The following FUBP3 variants were observed in gnomAD, a reference collection of about 807,000 sequenced individuals.
The protein encoded by FUBP3 is far upstream element binding protein 3, also known as far upstream element-binding protein 3.
FUBP3 carries 28 observed loss-of-function variants against 85.6 expected under a neutral mutation model. The observed-to-expected ratio is 0.33, with a 90% CI of 0.24 to 0.45. The LOEUF is 0.45. Ranked by LOEUF, FUBP3 falls within the 20% of genes least tolerant of loss-of-function variation. The pLI, the probability that FUBP3 is intolerant of heterozygous loss-of-function variation, is 1.00. For synonymous variants in FUBP3, 271 were observed against 271.4 expected (o/e 1.00, Z 0.01); for missense variants, 583 against 755.1 (o/e 0.77, Z 2.67).
chr9:130,629,684 A>G (rs1467197550), intron 12 of FUBP3, among the ~76,000 whole-genome samples: 2 of 152,176 alleles, frequency 1.3e-5, no homozygotes, highest in Admixed American at 6.5e-5. Context: ...GACTGTGGGC[A>G]TGGAGGAGGG....
In FUBP3 at chr9:130,631,647, A is replaced by C. The variant is rs374676825; in HGVS notation, c.1352+17A>C. ...TCATCAAAAGTGAGTCTTTTGCATC[A>C]GTCTTGCCTGGGAGAATTCACTCGC... On this transcript the variant is annotated intron_variant, in intron 14 of 18. Transcript: ENST00000319725. 3 of 1,592,452 alleles carry C rather than the reference A, an allele frequency of 1.9e-6. No homozygotes were observed. The highest frequency in any genetic ancestry group is 1.7e-4 in the Middle Eastern group (1 of 6,048).
chr9:130,632,227 G>A lies in FUBP3; in HGVS notation c.1459G>A (p.Gly487Ser). Residue 487 changes from glycine (G) to serine (S), a missense_variant, in exon 16 of 19, where the codon GGC becomes AGC. Gly to Ser is a moderately conservative substitution (Grantham distance 56). This residue lies in a region of FUBP3 where 404 missense variants were observed against 516.8 expected (regional missense o/e 0.78). Transcript: ENST00000319725. The part of the protein sequence containing the change: ...VSGPPAFLTQ[G>S]WGSTYQAWQQ... ...TGGTCCTCCGGCCTTTCTGACCCAG[G>A]GCTGGGGCAGCACCTACCAGGCGTG... is the stretch of plus-strand genomic sequence containing the variant. 6.2e-7 allele frequency: 1 copy of A among 1,614,054 alleles called. No individual in the cohort carries two copies. The highest frequency in any genetic ancestry group is 8.5e-7 in the Non-Finnish European group (1 of 1,179,944).
Position 130,631,316 on chromosome 9 carries a change from A to C in FUBP3, c.1279-241A>C, listed in dbSNP as rs1004574063. On this transcript the variant is annotated intron_variant, in intron 13 of 18. Transcript: ENST00000319725. ...CAGGTTGGTCCCTACCCCCAGGGTG[A>C]TGCCAGGGCAGTTGTGGTGGTGCCA... 1.6e-5 allele frequency: 22 copies of C among 1,393,722 alleles called. No homozygotes were observed. The Admixed American group carries it at 5.9e-4, about 37-fold the overall frequency. The allele number at this position is 1,393,722 out of a possible 1,614,324, so 86.3% of individuals were successfully genotyped here.
chr9:130,627,007 ACT>A (rs915560114), intron 12 of FUBP3, among the ~76,000 whole-genome samples: 1 of 152,038 alleles, frequency 6.6e-6, no homozygotes, highest in African/African-American at 2.4e-5. Context: ...TGAGTCACGG[ACT>A]CTCTGTGGAG....
chr9:130,617,906 GC>G lies in FUBP3; in HGVS notation c.666+13del. Reference sequence around the variant, plus strand: ...GCATTTAAAGTACAGGTAGGAAAGTGCCATGGGTTGGGTGAGTCCTGGCTGT... The same window carrying G: ...GCATTTAAAGTACAGGTAGGAAAGTGCATGGGTTGGGTGAGTCCTGGCTGT... On this transcript the variant is annotated intron_variant, in intron 8 of 18. Transcript: ENST00000319725. 1 of 1,421,030 alleles carries G rather than the reference GC, an allele frequency of 7.0e-7. No individual in the cohort carries two copies. Among genetic ancestry groups the G allele is most frequent in the Admixed American group, 1.7e-5 (1 of 58,886 alleles). 88.0% of individuals were successfully genotyped at this position (1,421,030 alleles called of 1,614,324 possible).
chr9:130,619,752 T>G (rs938148811), intron 8 of FUBP3, among the ~76,000 whole-genome samples: 1 of 152,252 alleles, frequency 6.6e-6, no homozygotes, highest in Non-Finnish European at 1.5e-5. Context: ...AACACTTGAA[T>G]CTGCCTGGGA....
intron 8 of FUBP3, 60 bp downstream of exon 8, chr9:130,617,955 C>A: frequency 1.3e-6 from 1 of 749,930 alleles, no homozygotes; most frequent in African/African-American, 1.8e-5. Context: ...TCGGTGGTAC[C>A]CTAGAGCTTT....
At chr9:130,591,589 A>T (rs1190411245) in intron 1 of FUBP3, among the ~76,000 whole-genome samples, 1 of 152,212 alleles carries the variant, frequency 6.6e-6, no homozygotes, top group Non-Finnish European at 1.5e-5. Flanking sequence ...CGTAGTATAA[A>T]TGTAATTTAT....
chr9:130,634,558 T>C, intron 16 of FUBP3, 109 bp from the exon 17 acceptor site: 1 of 800,314 alleles, frequency 1.2e-6, no homozygotes, highest in Non-Finnish European at 2.0e-6. Flanking sequence ...GAGCCGTGTG[T>C]GGCCAGGAGC....
rs1440717740 is a variant in FUBP3 at position 130,615,925 on chromosome 9, G to T, written c.405-430G>T. On this transcript the variant is annotated intron_variant, in intron 6 of 18. Coordinates refer to ENST00000319725, the MANE Select transcript of FUBP3 (RefSeq NM_003934.2). ...TTTCTTCCCATCTTTCTCATTGCTG[G>T]CTCTCTCTCCTGCCTGCATTTATTT... 2.0e-5 allele frequency among the ~76,000 whole-genome samples: 3 copies of T among 152,126 alleles called. No homozygotes were observed. The South Asian group carries it at 6.2e-4, about 32-fold the overall frequency.
chr9:130,580,871 AAT>A (rs1830105574), intron 1 of FUBP3: 1 of 152,170 alleles, frequency 6.6e-6, no homozygotes, highest in Admixed American at 6.6e-5. Context: ...TTATCTGATG[AAT>A]TGTTACTTTA....
chr9:130,622,089 A>G (rs1198265584), intron 9 of FUBP3, among the ~76,000 whole-genome samples: 3 of 151,276 alleles, frequency 2.0e-5, no homozygotes, highest in African/African-American at 4.9e-5. Flanking sequence ...TTGGGAGGCT[A>G]AGACAGGCAG....
At chr9:130,605,882 G>T (rs1831400122) in intron 2 of FUBP3, among the ~76,000 whole-genome samples, 1 of 152,174 alleles carries the variant, frequency 6.6e-6, no homozygotes, top group Non-Finnish European at 1.5e-5. Flanking sequence ...TACTTGGTAG[G>T]CTGAAGCAGG....
At chr9:130,609,387 G>C (rs1402005862) in intron 2 of FUBP3, among the ~76,000 whole-genome samples, 1 of 149,946 alleles carries the variant, frequency 6.7e-6, no homozygotes, top group African/African-American at 2.5e-5. Flanking sequence ...CCGTGACGAG[G>C]CCTGTGGAGG....
Position 130,631,121 on chromosome 9 carries a change from G to A in FUBP3, c.1278+333G>A, listed in dbSNP as rs1830193105. 4.3e-6 allele frequency: 5 copies of A among 1,156,318 alleles called. No homozygotes were observed. In the Admixed American group the frequency reaches 1.4e-4, roughly 32 times the overall value. The allele number at this position is 1,156,318 out of a possible 1,614,324, so 71.6% of individuals were successfully genotyped here. On this transcript the variant is annotated intron_variant, in intron 13 of 18. Coordinates refer to ENST00000319725, the MANE Select transcript of FUBP3 (RefSeq NM_003934.2). ...GGGACTCCGCTGGCATTGCCCTGGC[G>A]GCCAGCCCAGCAGGCAGCTTTCATT...
intron 1 of FUBP3, among the ~76,000 whole-genome samples, chr9:130,590,933 A>G (rs1012864032): frequency 6.7e-5 from 10 of 149,892 alleles, no homozygotes; most frequent in Non-Finnish European, 1.5e-4. Flanking sequence ...TCGACATACC[A>G]TTTACTTGGA....
intron 5 of FUBP3, among the ~76,000 whole-genome samples, chr9:130,613,922 G>A (rs946853175): frequency 6.6e-5 from 10 of 152,200 alleles, no homozygotes; most frequent in African/African-American, 1.9e-4. Flanking sequence ...TTTACTTGCC[G>A]TGTGCAGACA....
In FUBP3 at chr9:130,612,621, A is replaced by G. The variant is rs1831803458; in HGVS notation, c.274+116A>G. ...TGTTTTAATCTCTCTTGTGAGTATC[A>G]CCTGTAGTAGAATGCTTTGCACATG... is the stretch of plus-strand genomic sequence containing the variant. On this transcript the variant is annotated intron_variant, in intron 4 of 18. Transcript: ENST00000319725. This position sits in a 1 kb window ranked among gnomAD's most constrained non-coding sequence, Gnocchi z 4.1. 2.7e-6 allele frequency: 2 copies of G among 739,886 alleles called. No homozygotes were observed. Among genetic ancestry groups the G allele is most frequent in the Middle Eastern group, 2.8e-4 (1 of 3,538 alleles). The allele number at this position is 739,886 out of a possible 1,614,324, so 45.8% of individuals were successfully genotyped here. A position where few individuals can be genotyped will look rare whatever the true frequency, so the allele number is the denominator to read the frequency against.
intron 1 of FUBP3, chr9:130,580,828 G>T (rs541492254): frequency 1.3e-5 from 2 of 152,266 alleles, no homozygotes; most frequent in Admixed American, 1.3e-4. Flanking sequence ...TTGGATCCCA[G>T]AACTTTCCAA....
Sources: gnomAD v4.1 joint callset for allele counts (sites outside exome capture counted in the v4.1 genomes callset) on GRCh38, gnomAD v4.1.1 for gene constraint, gnomAD v4.1.1 regional missense constraint, Gnocchi (gnomAD v3.1) non-coding constraint, MANE v1.5 for transcripts, NCBI Gene and HGNC (gene_info 2026-07-23, HGNC 2026-07-21) for gene names.